The following QKI variants were observed in gnomAD, a reference collection of about 807,000 sequenced individuals.
QKI encodes QKI, KH domain containing RNA binding.
QKI carries 10 observed loss-of-function variants against 39.0 expected under a neutral mutation model. The ratio of observed to expected loss-of-function variants is 0.26; its 90% CI spans 0.16 to 0.43. QKI has a LOEUF of 0.43. Ranked by LOEUF, QKI falls within the 20% of genes least tolerant of loss-of-function variation. QKI has a pLI of 1.00. For synonymous variants in QKI, 204 were observed against 155.4 expected (o/e 1.31, Z -2.33); for missense variants, 218 against 428.0 (o/e 0.51, Z 4.33).
chr6:163,475,207 C>A (rs1792494718), intron 2 of QKI, among the ~76,000 whole-genome samples: 1 of 152,114 alleles, frequency 6.6e-6, no homozygotes. Flanking sequence ...GACTAGAGAG[C>A]TCCAAAACAG....
chr6:163,486,268 A>C (rs1777671966), intron 3 of QKI, among the ~76,000 whole-genome samples: 1 of 152,252 alleles, frequency 6.6e-6, no homozygotes. Context: ...TTCTTGTCAG[A>C]ATGTGGGCTT....
intron 7 of QKI, chr6:163,570,444 GTTTTT>G (rs35227460): frequency 6.5e-6 from 6 of 924,540 alleles, no homozygotes; most frequent in Admixed American, 7.1e-5. Flanking sequence ...TTGTTAACCA[GTTTTT>G]TTTTTTTTTT....
chr6:163,477,510 G>T (rs1201201234), intron 2 of QKI, among the ~76,000 whole-genome samples: 1 of 152,160 alleles, frequency 6.6e-6, no homozygotes, highest in African/African-American at 2.4e-5. Flanking sequence ...GGGGGTTTAG[G>T]TTGGGTAAAG....
At chr6:163,440,161 G>T (rs1374649336) in intron 1 of QKI, among the ~76,000 whole-genome samples, 1 of 151,894 alleles carries the variant, frequency 6.6e-6, no homozygotes, top group African/African-American at 2.4e-5. Flanking sequence ...TCTCTATCTA[G>T]CTCTTACCAT....
intron 2 of QKI, among the ~76,000 whole-genome samples, chr6:163,473,023 CAATT>C (rs1299244661): frequency 5.3e-5 from 8 of 152,014 alleles, no homozygotes; most frequent in South Asian, 2.1e-4. Context: ...GAGTAGAAAT[CAATT>C]AAAGACAAAC....
At chr6:163,493,628 C>G (rs1342778159) in intron 3 of QKI, among the ~76,000 whole-genome samples, 2 of 152,130 alleles carry the variant, frequency 1.3e-5, no homozygotes, top group African/African-American at 2.4e-5. Context: ...GATTCCACCA[C>G]TGAGGTGGGA....
chr6:163,426,679 G>A (rs576139617), intron 1 of QKI, among the ~76,000 whole-genome samples: 1 of 152,098 alleles, frequency 6.6e-6, no homozygotes, highest in Non-Finnish European at 1.5e-5. Flanking sequence ...GCAATTACTT[G>A]GCATCCTTTG....
intron 1 of QKI, among the ~76,000 whole-genome samples, chr6:163,434,486 C>T (rs889791663): frequency 4.6e-5 from 7 of 152,026 alleles, no homozygotes; most frequent in Admixed American, 6.6e-5. Context: ...GAGGCTGAGG[C>T]GGGCGGATCA....
chr6:163,421,323 C>T (rs1184314851), intron 1 of QKI, among the ~76,000 whole-genome samples: 2 of 152,282 alleles, frequency 1.3e-5, no homozygotes, highest in African/African-American at 4.8e-5. Flanking sequence ...AGTATAGTTT[C>T]TTGTCAGTCC....
Position 163,570,459 on chromosome 6 carries a change from T to G in QKI, c.1010-235T>G, listed in dbSNP as rs77214683. ...TTGTTAACCAGTTTTTTTTTTTTTT[T>G]TGTGGGAGTGGGCTCTTCTTCATTT... On this transcript the variant is annotated intron_variant, in intron 7 of 7. Transcript: ENST00000361752. The G allele has an allele frequency of 9.6e-5, 94 of 983,402 alleles. No homozygotes were observed. In the Middle Eastern group the frequency reaches 2.6e-3, roughly 27 times the overall value. The allele number at this position is 983,402 out of a possible 1,614,324, so 60.9% of individuals were successfully genotyped here.
chr6:163,565,859 A>T (rs369965620), intron 6 of QKI: 1 of 1,566,278 alleles, frequency 6.4e-7, no homozygotes, highest in East Asian at 2.3e-5. Context: ...AGATGCAGAC[A>T]TGTGTGTTGG....
chr6:163,455,044 T>G (rs966328432), intron 1 of QKI, among the ~76,000 whole-genome samples: 1 of 152,196 alleles, frequency 6.6e-6, no homozygotes, highest in African/African-American at 2.4e-5. Flanking sequence ...TGAAGTTAAT[T>G]TAATAAGATA....
At chr6:163,488,510 C>G (rs71569409) in intron 3 of QKI, among the ~76,000 whole-genome samples, 294 of 152,160 alleles carry the variant, frequency 1.9e-3, no homozygotes, top group Non-Finnish European at 2.9e-3. Flanking sequence ...ATCTTATTTT[C>G]TCACTGAAAA....
At chr6:163,524,089 T>C (rs1194551055) in intron 3 of QKI, among the ~76,000 whole-genome samples, 6 of 152,184 alleles carry the variant, frequency 3.9e-5, no homozygotes, top group Admixed American at 3.3e-4. Flanking sequence ...GCTTGTGACA[T>C]ACTAATAGTC....
At chr6:163,567,012 T>C (rs1783403850) in intron 7 of QKI, 1 of 1,292,126 alleles carries the variant, frequency 7.7e-7, no homozygotes, top group African/African-American at 1.5e-5. Flanking sequence ...AAATCTTCTA[T>C]TATTATGTAC....
intron 1 of QKI, among the ~76,000 whole-genome samples, chr6:163,424,053 G>A (rs1250444380): frequency 5.3e-5 from 8 of 152,210 alleles, no homozygotes; most frequent in African/African-American, 1.7e-4. Context: ...CTACTATATC[G>A]TATTCCTGAT....
chr6:163,566,104 A>G (rs1291563183), intron 6 of QKI: 24 of 1,478,604 alleles, frequency 1.6e-5, no homozygotes, highest in Non-Finnish European at 2.0e-5. Context: ...ACATAGATAT[A>G]AAGTAAAATT....
chr6:163,563,965 A>G lies in QKI; in HGVS notation c.934+246A>G, dbSNP rs932169871. On this transcript the variant is annotated intron_variant, in intron 6 of 7. Coordinates refer to ENST00000361752, the MANE Select transcript of QKI (RefSeq NM_006775.3). ...GTTTGGTTGGGTAAATCTGTTGTGT[A>G]CATTTCAACAAATACTTTTACATTT... is the stretch of plus-strand genomic sequence containing the variant. The G allele has an allele frequency of 1.2e-5, 16 of 1,349,622 alleles. No homozygotes were observed. The Admixed American group carries it at 1.8e-4, about 15-fold the overall frequency. 83.6% of individuals were successfully genotyped at this position (1,349,622 alleles called of 1,614,324 possible). A position where few individuals can be genotyped will look rare whatever the true frequency, so the allele number is the denominator to read the frequency against.
At chr6:163,460,167 T>C (rs904079508) in intron 2 of QKI, among the ~76,000 whole-genome samples, 5 of 152,190 alleles carry the variant, frequency 3.3e-5, no homozygotes, top group Non-Finnish European at 7.3e-5. Flanking sequence ...GTAAACTGCT[T>C]CCTTTGGACA....
Sources: allele counts gnomAD v4.1 joint callset (sites outside exome capture counted in the v4.1 genomes callset), GRCh38; gene constraint gnomAD v4.1.1; transcripts MANE v1.5; gene names NCBI Gene and HGNC (gene_info 2026-07-23, HGNC 2026-07-21).